RIC1: variants seen among roughly 807,000 people sequenced by gnomAD.
RIC1 encodes the protein RIC1 partner of RAB6A GEF complex.
In RIC1, 88 loss-of-function variants were observed where a neutral mutation model predicts 169.0. The observed-to-expected ratio is 0.52, with a 90% CI of 0.44 to 0.62. RIC1 has a LOEUF of 0.62. RIC1 is among the 20% of genes least tolerant of loss of function. RIC1 has a pLI of 0.00. For synonymous variants in RIC1, 790 were observed against 601.5 expected, an observed-to-expected ratio of 1.31 and a Z score of -4.59; for missense variants, 1,877 against 1,725.5, an observed-to-expected ratio of 1.09 and a Z score of -1.56.
chr9:5,720,515 A>G, intron 5 of RIC1, 99 bp from the exon 6 acceptor site: 1 of 1,283,008 alleles, frequency 7.8e-7, no homozygotes, highest in Admixed American at 2.5e-5. Context: ...TTAGGTCATT[A>G]TTTTTACCCT....
Position 5,756,193 on chromosome 9 carries a change from T to C in RIC1, c.1693-19T>C. 6.7e-7 allele frequency: 1 copy of C among 1,483,370 alleles called. No homozygotes were observed. The highest frequency in any genetic ancestry group is 9.1e-7 in the Non-Finnish European group (1 of 1,104,312). The allele number at this position is 1,483,370 out of a possible 1,614,324, so 91.9% of individuals were successfully genotyped here. A position where few individuals can be genotyped will look rare whatever the true frequency, so the allele number is the denominator to read the frequency against. ...AGTTATCTTGTTTTTATAATTTTCT[T>C]CATTTTTGTTTTCTTCAGCTTAGAG... On this transcript the variant is annotated intron_variant, in intron 15 of 25. Coordinates refer to ENST00000414202, the MANE Select transcript of RIC1 (RefSeq NM_020829.4).
At chr9:5,641,677 C>G (rs1228027179) in intron 1 of RIC1, among the ~76,000 whole-genome samples, 1 of 115,308 alleles carries the variant, frequency 8.7e-6, no homozygotes, top group Non-Finnish European at 1.7e-5. Flanking sequence ...CTAATTCTTT[C>G]TTCTGCTTGA....
chr9:5,748,218 A>G (rs10975270), intron 12 of RIC1, among the ~76,000 whole-genome samples: 35,726 of 152,100 alleles, frequency 0.23, 5,019 homozygotes, highest in East Asian at 0.51. Context: ...TTTGATAGCA[A>G]AATATTTTAG....
intron 22 of RIC1, chr9:5,769,498 G>T: frequency 7.3e-7 from 1 of 1,378,000 alleles, no homozygotes; most frequent in Admixed American, 2.9e-5. Context: ...AATCATACTT[G>T]GATTATAAAG....
At chr9:5,654,938 C>A (rs1483475468) in intron 1 of RIC1, among the ~76,000 whole-genome samples, 4 of 152,156 alleles carry the variant, frequency 2.6e-5, no homozygotes, top group African/African-American at 9.7e-5. Flanking sequence ...AATCTTGGAT[C>A]CTGTAACCTT....
chr9:5,743,791 T>C, intron 10 of RIC1, 54 bp downstream of exon 10: 2 of 1,258,594 alleles, frequency 1.6e-6, no homozygotes, highest in South Asian at 2.5e-5. Context: ...TGGATTTTTC[T>C]TCCCTTTTTT....
chr9:5,653,891 C>G (rs960701249), intron 1 of RIC1, among the ~76,000 whole-genome samples: 9 of 152,180 alleles, frequency 5.9e-5, no homozygotes, highest in Non-Finnish European at 1.2e-4. Flanking sequence ...CAACCACACC[C>G]AGCCTGTCTC....
chr9:5,771,691 T>A (rs575472156), intron 23 of RIC1, among the ~76,000 whole-genome samples: 98 of 152,334 alleles, frequency 6.4e-4, no homozygotes, highest in African/African-American at 2.2e-3. Flanking sequence ...TTTCAGTTTT[T>A]TGATAGTAGT....
chr9:5,637,082 A>C (rs549131161), intron 1 of RIC1, among the ~76,000 whole-genome samples: 1 of 152,224 alleles, frequency 6.6e-6, no homozygotes, highest in South Asian at 2.1e-4. Flanking sequence ...TTTTTGAGAC[A>C]GGGTTTCACT....
At chr9:5,694,391 G>T (rs1011892924) in intron 3 of RIC1, among the ~76,000 whole-genome samples, 1 of 152,058 alleles carries the variant, frequency 6.6e-6, no homozygotes, top group African/African-American at 2.4e-5. Context: ...AATAAACCTT[G>T]TTCTACATTC....
intron 4 of RIC1, among the ~76,000 whole-genome samples, chr9:5,717,143 CT>C (rs1369380469): frequency 6.6e-6 from 1 of 152,098 alleles, no homozygotes; most frequent in African/African-American, 2.4e-5. Flanking sequence ...TCTCTTGACT[CT>C]AGGTTACATT....
rs574483694 is a variant in RIC1 at position 5,715,688 on chromosome 9, T to G, written c.440+1685T>G. Among the ~76,000 whole-genome samples the G allele has an allele frequency of 4.9e-4, 75 of 152,298 alleles. No homozygotes were observed. The Middle Eastern group carries it at 0.01, about 21-fold the overall frequency. ...TACTATCTCATCTTTTATTTTTGAT[T>G]TGAAGAAAAAATATTAATGTTAAGC... On this transcript the variant is annotated intron_variant, in intron 4 of 25. Coordinates refer to ENST00000414202, the MANE Select transcript of RIC1 (RefSeq NM_020829.4).
chr9:5,744,893 T>C (rs889384840), intron 10 of RIC1, among the ~76,000 whole-genome samples: 2 of 152,190 alleles, frequency 1.3e-5, no homozygotes, highest in Admixed American at 1.3e-4. Flanking sequence ...AATTAGTGAC[T>C]ATGAGGCTTG....
intron 1 of RIC1, among the ~76,000 whole-genome samples, chr9:5,651,833 G>A (rs1345443551): frequency 2.0e-5 from 3 of 152,080 alleles, no homozygotes; most frequent in Non-Finnish European, 4.4e-5. Context: ...CTCCCAAAGT[G>A]CTGGGATTAC....
chr9:5,721,692 C>G (rs1039018213), intron 6 of RIC1, among the ~76,000 whole-genome samples: 1 of 152,158 alleles, frequency 6.6e-6, no homozygotes, highest in Non-Finnish European at 1.5e-5. Flanking sequence ...TTGGCCAACT[C>G]CTGTCTCTGT....
intron 7 of RIC1, among the ~76,000 whole-genome samples, 192 bp from the exon 8 acceptor site, chr9:5,738,258 G>C (rs1033971793): frequency 9.2e-5 from 14 of 151,970 alleles, no homozygotes; most frequent in Non-Finnish European, 1.6e-4. Flanking sequence ...ATAATTTCTG[G>C]GATATATCTG....
At chr9:5,711,376 T>C (rs1314092355) in intron 3 of RIC1, among the ~76,000 whole-genome samples, 1 of 152,156 alleles carries the variant, frequency 6.6e-6, no homozygotes, top group Non-Finnish European at 1.5e-5. Context: ...CTGTTTTGTC[T>C]GTAACAGGTA....
intron 6 of RIC1, among the ~76,000 whole-genome samples, chr9:5,731,443 A>C (rs561776398): frequency 6.6e-6 from 1 of 152,274 alleles, no homozygotes; most frequent in South Asian, 2.1e-4. Context: ...AATTAAATGA[A>C]ATCTGTAGGA....
At chr9:5,657,945 ATG>A (rs1351692840) in intron 2 of RIC1, among the ~76,000 whole-genome samples, 2 of 152,144 alleles carry the variant, frequency 1.3e-5, no homozygotes, top group African/African-American at 4.8e-5. Context: ...TCACTGATTT[ATG>A]TATTGTCTGT....
Sources: gnomAD v4.1 joint callset for allele counts (sites outside exome capture counted in the v4.1 genomes callset) on GRCh38, gnomAD v4.1.1 for gene constraint, MANE v1.5 for transcripts, NCBI Gene and HGNC (gene_info 2026-07-23, HGNC 2026-07-21) for gene names.